Variants in SLCO4A1 observed in about 807,000 individuals in gnomAD.
SLCO4A1 encodes the protein solute carrier organic anion transporter family member 4A1, also known as colon organic anion transporter.
In SLCO4A1, 51 loss-of-function variants were observed where a neutral mutation model predicts 64.6. The ratio of observed to expected loss-of-function variants is 0.79; its 90% confidence interval spans 0.63 to 1.00. The LOEUF (loss-of-function observed/expected upper bound fraction) is 1.00, where lower values mean the gene tolerates loss of function less well. SLCO4A1 is among the 50% of genes least tolerant of loss of function. The probability of loss-of-function intolerance (pLI) is 0.00; values close to 1 mark genes in which losing one functional copy is unlikely to be tolerated. For missense variants in SLCO4A1, 919 were observed against 980.5 expected (o/e 0.94, Z 0.84); for synonymous variants, 471 against 444.9 (o/e 1.06, Z -0.74).
At chr20:62,642,684 C>G (rs1036604463) in intron 1 of SLCO4A1, 131 bp downstream of exon 1, 5 of 172,372 alleles carry the variant, frequency 2.9e-5, no homozygotes, top group African/African-American at 1.2e-4. Flanking sequence ...GGCGGGAGGC[C>G]TGGGCACCGG....
chr20:62,642,608 G>A lies in SLCO4A1; in HGVS notation c.-97+55G>A, dbSNP rs34885433. On this transcript the variant is annotated intron_variant, in intron 1 of 11. Coordinates refer to ENST00000217159, the MANE Select transcript of SLCO4A1 (RefSeq NM_016354.4). Reference sequence around the variant, plus strand: ...CGGGTGCACAGGGCCCGACCTGCTGGCGTAGGAGCGCGGCAGGTGCCGCCA... The same window carrying A: ...CGGGTGCACAGGGCCCGACCTGCTGACGTAGGAGCGCGGCAGGTGCCGCCA... The A allele has an allele frequency of 0.49, 83,906 of 171,614 alleles. 23,864 individuals carry two copies. Among genetic ancestry groups the A allele is most frequent in the East Asian group, 0.76 (3,959 of 5,194 alleles). 10.6% of individuals were successfully genotyped at this position (171,614 alleles called of 1,614,324 possible). A position where few individuals can be genotyped will look rare whatever the true frequency, so the allele number is the denominator to read the frequency against.
Position 62,661,072 on chromosome 20 carries a change from C to G in SLCO4A1, c.1018C>G (p.Arg340Gly), listed in dbSNP as rs754650367. The change falls in exon 5 of 12, where the codon CGC (arginine) becomes GGC (glycine). Residue 340 changes from arginine to glycine, a missense_variant. Transcript: ENST00000217159. The surrounding 1 kb of genome is among the most constrained non-coding windows in gnomAD (Gnocchi z 5.2). ...ACTCTGTGCCCTTCCAGGCTCCCAG[C>G]GCTACGCGGTCATGAGAGCGGCGGA... is the stretch of plus-strand genomic sequence containing the variant. ...GYPRQLPGSQ[R>G]YAVMRAAEMH... 1.9e-6 allele frequency: 3 copies of G among 1,581,584 alleles called. No individual in the cohort carries two copies. Among genetic ancestry groups the G allele is most frequent in the Non-Finnish European group, 2.6e-6 (3 of 1,157,994 alleles).
rs567300512 is a variant in SLCO4A1, at chr20:62,671,464, G to A, written c.2026-286G>A. ...CTGCAAAGACCCTATTTCCAAAAAA[G>A]GTCCCATTCACTGGTGTCTGGCACT... On this transcript the variant is annotated intron_variant, in intron 11 of 11. Transcript: ENST00000217159. Among the ~76,000 whole-genome samples the A allele has an allele frequency of 5.9e-5, 9 of 152,308 alleles. No homozygotes were observed. The East Asian group carries it at 1.7e-3, about 29-fold the overall frequency.
In SLCO4A1 at chr20:62,661,020, G is replaced by GAA. The variant is rs757414656; in HGVS notation, c.1010-44_1010-43insAA. The GAA allele has an allele frequency of 3.5e-6, 1 of 289,412 alleles. No individual in the cohort carries two copies. Among genetic ancestry groups the GAA allele is most frequent in the South Asian group, 4.3e-5 (1 of 23,200 alleles). The allele number at this position is 289,412 out of a possible 1,614,324, so 17.9% of individuals were successfully genotyped here. On this transcript the variant is annotated intron_variant, in intron 4 of 11. Coordinates refer to ENST00000217159, the MANE Select transcript of SLCO4A1 (RefSeq NM_016354.4). This position sits in a 1 kb window ranked among gnomAD's most constrained non-coding sequence, Gnocchi z 5.2. Reference sequence around the variant, plus strand: ...CCTCTCTCGGAGAAGTCCACCTCCGGGAGCCCCCAGCCCCCAGCCCCAGCT... The same window carrying GAA: ...CCTCTCTCGGAGAAGTCCACCTCCGGAAGAGCCCCCAGCCCCCAGCCCCAGCT...
At chr20:62,664,028 C>T (rs7263918) in intron 5 of SLCO4A1, among the ~76,000 whole-genome samples, 2,601 of 152,102 alleles carry the variant, frequency 0.017, 61 homozygotes, top group African/African-American at 0.058. Flanking sequence ...CAGGCAGCCC[C>T]GACGCACTGC....
At position 62,658,796 on chromosome 20, in the gene SLCO4A1, G is replaced by A. The variant is rs199554843; in HGVS notation, c.887+29G>A. On this transcript the variant is annotated intron_variant, in intron 3 of 11. Transcript: ENST00000217159. Reference sequence around the variant, plus strand: ...AGTGGCCGCGCACCCAGCTGCCTGCGCTGGAGAGGCCCACGTGTCTCTGGA... The same window carrying A: ...AGTGGCCGCGCACCCAGCTGCCTGCACTGGAGAGGCCCACGTGTCTCTGGA... 12 of 1,545,724 alleles carry A rather than the reference G, an allele frequency of 7.8e-6. No individual in the cohort carries two copies. The East Asian group carries it at 1.6e-4, about 21-fold the overall frequency.
At position 62,665,057 on chromosome 20, in the gene SLCO4A1, C is replaced by A; in HGVS notation, c.1245C>A (p.Ser415Arg). Residue 415 changes from serine (S) to arginine (R), a missense_variant, in exon 6 of 12, where the codon AGC becomes AGA. Ser to Arg is a moderately radical substitution (Grantham distance 110). Transcript: ENST00000217159. ...CCAAGTTCTTGGAGTCCCAGTTCAG[C>A]CTGAGTGCCTCAGAAGCTGCCACCT... ...FSPKFLESQFSLSASEAATLF... is the reference protein window; with the variant it reads ...FSPKFLESQFRLSASEAATLF... 6.2e-7 allele frequency: 1 copy of A among 1,612,704 alleles called. No homozygotes were observed. The highest frequency in any genetic ancestry group is 8.5e-7 in the Non-Finnish European group (1 of 1,179,530).
rs140326472 is a variant in SLCO4A1, at chr20:62,659,520, C to T, written c.887+753C>T. On this transcript the variant is annotated intron_variant, in intron 3 of 11. Coordinates refer to ENST00000217159, the MANE Select transcript of SLCO4A1 (RefSeq NM_016354.4). ...TTGATAATGTGGGGTCAAGTGTGTG[C>T]GTTCTGGGCAGAGCCTGGAGGTAGG... Among the ~76,000 whole-genome samples the T allele has an allele frequency of 8.6e-3, 1,313 of 152,292 alleles. 6 individuals carry two copies. The highest frequency in any genetic ancestry group is 0.031 in the Middle Eastern group (9 of 294).
intron 2 of SLCO4A1, among the ~76,000 whole-genome samples, chr20:62,678,625 G>A (rs1437907108): frequency 2.0e-5 from 3 of 150,282 alleles, no homozygotes; most frequent in African/African-American, 2.5e-5. Flanking sequence ...TCTTACTCCC[G>A]GGTTCAAGCG....
At chr20:62,660,384 G>A (rs1392039212) in intron 3 of SLCO4A1, 28 bp from the exon 4 acceptor site, 1 of 1,594,518 alleles carries the variant, frequency 6.3e-7, no homozygotes, top group Non-Finnish European at 8.5e-7. Flanking sequence ...GCTGCACGCT[G>A]ACCCAGGTGC....
chr20:62,658,533 C>G, intron 2 of SLCO4A1, 144 bp from the exon 3 acceptor site: 2 of 640,420 alleles, frequency 3.1e-6, no homozygotes, highest in South Asian at 1.9e-5. Context: ...ACAGACTCAT[C>G]TAACTTAAAG....
chr20:62,677,201 G>T (rs552583269), downstream of SLCO4A1, among the ~76,000 whole-genome samples: 1 of 152,328 alleles, frequency 6.6e-6, no homozygotes, highest in Admixed American at 6.5e-5. Context: ...AAATGTTCTG[G>T]AGTTAGATAA....
intron 11 of SLCO4A1, among the ~76,000 whole-genome samples, chr20:62,670,521 G>A (rs1340584648): frequency 3.9e-5 from 6 of 152,238 alleles, no homozygotes; most frequent in African/African-American, 1.2e-4. Context: ...CTCCTTCAGC[G>A]AGAAGGTGTA....
intron 3 of SLCO4A1, among the ~76,000 whole-genome samples, 192 bp downstream of exon 3, chr20:62,658,959 C>T (rs556288540): frequency 1.3e-5 from 2 of 152,348 alleles, no homozygotes; most frequent in Admixed American, 6.5e-5. Flanking sequence ...CCTTGGGAGT[C>T]GGCCCCAGGG....
chr20:62,666,318 A>G (rs2147098604), intron 6 of SLCO4A1, 62 bp from the exon 7 acceptor site: 1 of 1,493,806 alleles, frequency 6.7e-7, no homozygotes, highest in South Asian at 1.2e-5. Flanking sequence ...CGGCTGATCC[A>G]CCACCCTCTC....
At chr20:62,668,364 G>C (rs78307891) in intron 9 of SLCO4A1, 113 bp from the exon 10 acceptor site, 8 of 1,094,758 alleles carry the variant, frequency 7.3e-6, no homozygotes, top group African/African-American at 6.1e-5. Flanking sequence ...CTTCCCACTT[G>C]GGGGGGGGTG....
intron 2 of SLCO4A1, among the ~76,000 whole-genome samples, chr20:62,682,346 G>A (rs896216426): frequency 2.6e-5 from 4 of 152,224 alleles, no homozygotes; most frequent in African/African-American, 9.6e-5. Flanking sequence ...AGGGCAGAAG[G>A]TGAATTTATT....
At position 62,672,150 on chromosome 20, in the gene SLCO4A1, C is replaced by T. The variant is rs1230659778; in HGVS notation, c.*257C>T. ...GTGTTTATAGAATGTGTTTTATACCCGATCGTGTGTGGTGTGCGTGAGGAC... is the reference window on the plus strand; with the variant it reads ...GTGTTTATAGAATGTGTTTTATACCTGATCGTGTGTGGTGTGCGTGAGGAC... On this transcript the variant is annotated 3_prime_UTR_variant, in exon 12 of 12. Coordinates refer to ENST00000217159, the MANE Select transcript of SLCO4A1 (RefSeq NM_016354.4). 2.6e-5 allele frequency: 36 copies of T among 1,373,822 alleles called. No individual in the cohort carries two copies. The highest frequency in any genetic ancestry group is 1.8e-4 in the South Asian group (12 of 66,078). The allele number at this position is 1,373,822 out of a possible 1,614,324, so 85.1% of individuals were successfully genotyped here. A position where few individuals can be genotyped will look rare whatever the true frequency, so the allele number is the denominator to read the frequency against.
At chr20:62,655,833 A>G (rs1983597590) in intron 1 of SLCO4A1, among the ~76,000 whole-genome samples, 1 of 152,198 alleles carries the variant, frequency 6.6e-6, no homozygotes, top group African/African-American at 2.4e-5. Context: ...CAAAGGGTGC[A>G]GAGAGCTGCC....
Sources: gnomAD v4.1 joint callset for allele counts (sites outside exome capture counted in the v4.1 genomes callset) on GRCh38, gnomAD v4.1.1 for gene constraint, Gnocchi (gnomAD v3.1) non-coding constraint, MANE v1.5 for transcripts, NCBI Gene and HGNC (gene_info 2026-07-23, HGNC 2026-07-21) for gene names.